The following SMARCA4 variants were observed in gnomAD, a reference collection of about 807,000 sequenced individuals.
SMARCA4 encodes SWI/SNF related BAF chromatin remodeling complex subunit ATPase 4, also known as SWI/SNF-related matrix-associated actin-dependent regulator of chromatin subfamily A member 4.
Under a neutral mutation model 193.9 loss-of-function variants are expected in SMARCA4, and 31 were observed. The ratio of observed to expected loss-of-function variants is 0.16; its 90% CI spans 0.12 to 0.22. The LOEUF (loss-of-function observed/expected upper bound fraction) is 0.22, where lower values mean the gene tolerates loss of function less well. Among genes scored for constraint, SMARCA4 ranks in the 10% least tolerant of loss-of-function variants. The pLI is 1.00. For missense variants in SMARCA4, 1,148 were observed against 2,296.0 expected, an observed-to-expected ratio of 0.50 and a Z score of 10.22; for synonymous variants, 942 against 933.1, an observed-to-expected ratio of 1.01 and a Z score of -0.17.
intron 13 of SMARCA4, 152 bp from the exon 14 acceptor site, chr19:11,007,750 A>G (rs890167650): frequency 1.5e-5 from 10 of 659,252 alleles, no homozygotes; most frequent in Admixed American, 8.3e-5. Flanking sequence ...TAAAACAAAG[A>G]TGTAAATAAT....
Position 10,984,514 on chromosome 19 carries a change from C to A in SMARCA4, c.222+141C>A, listed in dbSNP as rs2145733378. The A allele has an allele frequency of 7.0e-7, 1 of 1,424,558 alleles. No individual in the cohort carries two copies. Among genetic ancestry groups the A allele is most frequent in the Non-Finnish European group, 9.6e-7 (1 of 1,043,974 alleles). The allele number at this position is 1,424,558 out of a possible 1,614,324, so 88.2% of individuals were successfully genotyped here. A position where few individuals can be genotyped will look rare whatever the true frequency, so the allele number is the denominator to read the frequency against. ...TCCTGCCTTGGCTCAGCCCCCTACC[C>A]CAGGGCCCACGGCCATGAACAGAAG... is the stretch of plus-strand genomic sequence containing the variant. On this transcript the variant is annotated intron_variant, in intron 2 of 34. Coordinates refer to ENST00000344626, the MANE Select transcript of SMARCA4 (RefSeq NM_003072.5). The surrounding 1 kb of genome is among the most constrained non-coding windows in gnomAD (Gnocchi z 4.3).
At chr19:10,989,286 C>T (rs1370253828) in intron 6 of SMARCA4, 31 bp from the exon 7 acceptor site, 9 of 1,613,270 alleles carry the variant, frequency 5.6e-6, no homozygotes, top group Middle Eastern at 1.6e-4. Flanking sequence ...GCAACCCTCT[C>T]ACCGCCTTTG....
intron 15 of SMARCA4, chr19:11,012,491 AT>A (rs2088947576): frequency 8.3e-6 from 2 of 241,232 alleles, no homozygotes; most frequent in African/African-American, 2.2e-5. Context: ...TAAGGCCTGT[AT>A]TTCAGAAAGC....
intron 15 of SMARCA4, chr19:11,010,902 T>C: frequency 2.8e-6 from 1 of 351,584 alleles, no homozygotes; most frequent in South Asian, 2.3e-5. Flanking sequence ...GGAGCTCAGA[T>C]CTGGGCATCT....
At chr19:11,006,486 C>G (rs1347241845) in intron 13 of SMARCA4, among the ~76,000 whole-genome samples, 3 of 152,176 alleles carry the variant, frequency 2.0e-5, no homozygotes, top group African/African-American at 7.2e-5. Flanking sequence ...CGCGGTGTCT[C>G]ACGCCTGTAA....
At chr19:11,009,633 C>T (rs1321562575) in intron 14 of SMARCA4, among the ~76,000 whole-genome samples, 1 of 151,922 alleles carries the variant, frequency 6.6e-6, no homozygotes, top group African/African-American at 2.4e-5. Context: ...GTTTCTTTTA[C>T]CTCAGCCTCC....
At position 11,039,555 on chromosome 19, in the gene SMARCA4, T is replaced by A; in HGVS notation, c.4171-1752T>A. ...CAGTTCTGCACACGTGCGTCAAAGG[T>A]GGGGAGAGTTCTGGTGGTGGGTGGC... On this transcript the variant is annotated intron_variant, in intron 29 of 34. Coordinates refer to ENST00000344626, the MANE Select transcript of SMARCA4 (RefSeq NM_003072.5). The A allele has an allele frequency of 6.3e-7, 1 of 1,586,874 alleles. No individual in the cohort carries two copies. The highest frequency in any genetic ancestry group is 8.6e-7 in the Non-Finnish European group (1 of 1,166,842).
intron 1 of SMARCA4, among the ~76,000 whole-genome samples, chr19:10,974,689 ATTTTTTTTTTTTTTTTT>A (rs74182450): frequency 5.4e-5 from 2 of 37,162 alleles, no homozygotes; most frequent in African/African-American, 1.5e-4. Flanking sequence ...ATATATATAT[ATTTTTTTTTTTTTTTTT>A]TTTTTTTTTT....
chr19:11,060,708 C>T (rs1437264296), intron 34 of SMARCA4, among the ~76,000 whole-genome samples: 1 of 152,186 alleles, frequency 6.6e-6, no homozygotes, highest in Admixed American at 6.5e-5. Context: ...GGCTGTGGGA[C>T]CTGGCAGGTC....
rs745872061 is a variant in SMARCA4, at chr19:11,030,093, G to T, written c.3383-637G>T. On this transcript the variant is annotated intron_variant, in intron 24 of 34. Transcript: ENST00000344626. This position sits in a 1 kb window ranked among gnomAD's most constrained non-coding sequence, Gnocchi z 5.5. ...TAATGCCCACAACGCTGAGGGCATC[G>T]TGGGTTGTCACCCAGGAGACCTGCT... 6.6e-6 allele frequency among the ~76,000 whole-genome samples: 1 copy of T among 152,188 alleles called. No homozygotes were observed. The highest frequency in any genetic ancestry group is 1.5e-5 in the Non-Finnish European group (1 of 68,026).
At chr19:11,001,145 C>T (rs1037621540) in intron 11 of SMARCA4, among the ~76,000 whole-genome samples, 2 of 152,088 alleles carry the variant, frequency 1.3e-5, no homozygotes, top group Non-Finnish European at 2.9e-5. Flanking sequence ...GCCTTGACGT[C>T]CTGGGCTCAA....
At chr19:11,003,420 T>C (rs372446014) in intron 13 of SMARCA4, 23 bp downstream of exon 13, 2 of 1,607,272 alleles carry the variant, frequency 1.2e-6, no homozygotes, top group African/African-American at 2.7e-5. Flanking sequence ...TTCCTGGCTT[T>C]CAAGGCTCTC....
chr19:11,053,741 C>T (rs1568552593), intron 30 of SMARCA4, among the ~76,000 whole-genome samples: 1 of 152,092 alleles, frequency 6.6e-6, no homozygotes, highest in Non-Finnish European at 1.5e-5. Flanking sequence ...GAGACCCCAT[C>T]TCTACAAAAT....
chr19:10,962,411 C>T (rs1029888426), intron 1 of SMARCA4, among the ~76,000 whole-genome samples: 3 of 152,092 alleles, frequency 2.0e-5, no homozygotes, highest in Non-Finnish European at 4.4e-5. Context: ...GGAACAAACT[C>T]TCTTGGCCTA....
At chr19:10,992,673 C>G (rs1027331204) in intron 8 of SMARCA4, among the ~76,000 whole-genome samples, 2 of 151,886 alleles carry the variant, frequency 1.3e-5, no homozygotes, top group African/African-American at 4.8e-5. Flanking sequence ...GACACAACCT[C>G]TGCCTCCTGG....
At chr19:11,045,749 C>G (rs541635841) in intron 30 of SMARCA4, among the ~76,000 whole-genome samples, 4 of 151,990 alleles carry the variant, frequency 2.6e-5, no homozygotes, top group East Asian at 3.9e-4. Context: ...TACAGTCAGT[C>G]TTGTAGCCTT....
intron 1 of SMARCA4, among the ~76,000 whole-genome samples, chr19:10,980,199 G>A (rs780390179): frequency 6.6e-6 from 1 of 152,090 alleles, no homozygotes; most frequent in Non-Finnish European, 1.5e-5. Flanking sequence ...ATGAATTTGC[G>A]GATGCTGGTG....
intron 30 of SMARCA4, among the ~76,000 whole-genome samples, chr19:11,048,839 G>A (rs1157675140): frequency 6.6e-6 from 1 of 152,168 alleles, no homozygotes; most frequent in African/African-American, 2.4e-5. Context: ...CTCATCATAC[G>A]TGTACAGTTG....
rs762148337 is a variant in SMARCA4 at position 11,009,007 on chromosome 19, C to CTTTTTTTTT, written c.2123+1010_2123+1018dup. Among the ~76,000 whole-genome samples, 56 of 40,956 alleles carry CTTTTTTTTT rather than the reference C, an allele frequency of 1.4e-3. 6 individuals are homozygous for CTTTTTTTTT. The highest frequency in any genetic ancestry group is 3.4e-3 in the African/African-American group (33 of 9,672). 26.9% of individuals were successfully genotyped at this position (40,956 alleles called of 152,430 possible). On this transcript the variant is annotated intron_variant, in intron 14 of 34. Transcript: ENST00000344626. The stretch of plus-strand genomic sequence containing the variant: ...AAAAAATGTAGGTGGATAAAAGTCA[C>CTTTTTTTTT]TTTTTTTTTTTTTTTTTTTTTTTTT...
Sources: gnomAD v4.1 joint callset for allele counts (sites outside exome capture counted in the v4.1 genomes callset) on GRCh38, gnomAD v4.1.1 for gene constraint, Gnocchi (gnomAD v3.1) non-coding constraint, MANE v1.5 for transcripts, NCBI Gene and HGNC (gene_info 2026-07-23, HGNC 2026-07-21) for gene names.